The following ALDH3A1 variants were observed in gnomAD, a reference collection of about 807,000 sequenced individuals.
ALDH3A1 encodes the protein aldehyde dehydrogenase 3 family member A1.
ALDH3A1 carries 46 observed loss-of-function variants against 49.9 expected under a neutral mutation model. That is an observed-to-expected ratio of 0.92 (90% CI 0.73 to 1.18). ALDH3A1 has a LOEUF of 1.18. Ranked by LOEUF, ALDH3A1 falls within the 50% of genes most tolerant of loss-of-function variation. The pLI is 0.00. For synonymous variants in ALDH3A1, 269 were observed against 253.3 expected, an observed-to-expected ratio of 1.06 and a Z score of -0.59; for missense variants, 592 against 611.8, an observed-to-expected ratio of 0.97 and a Z score of 0.34.
intron 5 of ALDH3A1, chr17:19,741,423 G>A (rs2152374352): frequency 2.0e-6 from 1 of 511,810 alleles, no homozygotes; most frequent in African/African-American, 1.9e-5. Context: ...GGAATTTCTA[G>A]AGGACGTCTG....
intron 8 of ALDH3A1, 127 bp from the exon 9 acceptor site, chr17:19,739,222 T>A (rs1417487982): frequency 4.5e-6 from 4 of 887,032 alleles, no homozygotes; most frequent in Non-Finnish European, 7.0e-6. Context: ...AGCCTTAGCC[T>A]CCATCTCCTG....
chr17:19,745,056 A>C lies in ALDH3A1; in HGVS notation c.74T>G (p.Phe25Cys), dbSNP rs1476385684. The C allele has an allele frequency of 6.3e-7, 1 of 1,597,852 alleles. No homozygotes were observed. The highest frequency in any genetic ancestry group is 1.7e-5 in the Admixed American group (1 of 59,910). Residue 25 changes from phenylalanine to cysteine, a missense_variant, in exon 2 of 11, where the codon TTC (phenylalanine) becomes TGC (cysteine). Coordinates refer to ENST00000225740, the MANE Select transcript of ALDH3A1 (RefSeq NM_000691.5). ...CAGCGCCTCCAGCTGCTGGATCCGGAACTGCAGCGGACGGGTCCTGCCCGA... is the reference window on the plus strand; with the variant it reads ...CAGCGCCTCCAGCTGCTGGATCCGGCACTGCAGCGGACGGGTCCTGCCCGA... ...FSSGRTRPLQ[F>C]RIQQLEALQR...
rs781258287 is a variant in ALDH3A1, at chr17:19,738,158, A to C, written c.*63T>G. 3.7e-6 allele frequency: 6 copies of C among 1,612,344 alleles called. No individual in the cohort carries two copies. Among genetic ancestry groups the C allele is most frequent in the Non-Finnish European group, 5.1e-6 (6 of 1,179,934 alleles). Reference sequence around the variant, plus strand: ...CGATTCTCCCAGGGCCAGGAGAGCCAGTGAGGGTGGTCCGCACTCCGATGG... The same window carrying C: ...CGATTCTCCCAGGGCCAGGAGAGCCCGTGAGGGTGGTCCGCACTCCGATGG... On this transcript the variant is annotated 3_prime_UTR_variant, in exon 11 of 11. Coordinates refer to ENST00000225740, the MANE Select transcript of ALDH3A1 (RefSeq NM_000691.5).
At chr17:19,742,904 G>C (rs2086525839) in intron 3 of ALDH3A1, 2 of 1,526,784 alleles carry the variant, frequency 1.3e-6, no homozygotes. Flanking sequence ...GGGGAGAGAG[G>C]CTCTGGGGGC....
At position 19,738,048 on chromosome 17, in the gene ALDH3A1, G is replaced by A. The variant is rs1393757503; in HGVS notation, c.*173C>T. 7 of 1,533,216 alleles carry A rather than the reference G, an allele frequency of 4.6e-6. No individual in the cohort carries two copies. Among genetic ancestry groups the A allele is most frequent in the Non-Finnish European group, 5.2e-6 (6 of 1,142,966 alleles). The allele number at this position is 1,533,216 out of a possible 1,614,324, so 95.0% of individuals were successfully genotyped here. A position where few individuals can be genotyped will look rare whatever the true frequency, so the allele number is the denominator to read the frequency against. On this transcript the variant is annotated 3_prime_UTR_variant, in exon 11 of 11. Coordinates refer to ENST00000225740, the MANE Select transcript of ALDH3A1 (RefSeq NM_000691.5). ...CTAGAAAGGGGTGGAGACTTGGAAT[G>A]GTGAGGCCTGGGCCCATGTGGGAGT...
chr17:19,748,254 A>T lies in ALDH3A1; in HGVS notation c.-6+5T>A. On this transcript the variant is annotated splice_donor_5th_base_variant and intron_variant, in intron 1 of 10. Coordinates refer to ENST00000225740, the MANE Select transcript of ALDH3A1 (RefSeq NM_000691.5). The surrounding 1 kb of genome is among the most constrained non-coding windows in gnomAD (Gnocchi z 4.4). ...AAAAATAAGGAATGCAGGGAAGAGG[A>T]TTACCTTTGACACAGCCTCTCCCGG... The T allele has an allele frequency of 2.0e-6, 1 of 498,994 alleles. No homozygotes were observed. The highest frequency in any genetic ancestry group is 4.0e-6 in the Non-Finnish European group (1 of 248,870). The allele number at this position is 498,994 out of a possible 1,614,324, so 30.9% of individuals were successfully genotyped here.
chr17:19,739,970 T>C (rs1438472994), intron 7 of ALDH3A1, among the ~76,000 whole-genome samples: 1 of 152,186 alleles, frequency 6.6e-6, no homozygotes, highest in Admixed American at 6.5e-5. Context: ...TCTTGTCTCC[T>C]TGACAAACTC....
intron 1 of ALDH3A1, among the ~76,000 whole-genome samples, chr17:19,747,663 A>C (rs979803472): frequency 6.6e-6 from 1 of 152,124 alleles, no homozygotes; most frequent in African/African-American, 2.4e-5. Flanking sequence ...GAGCTGCTGC[A>C]GCATGCACTG....
chr17:19,746,122 C>T (rs997654664), intron 1 of ALDH3A1, among the ~76,000 whole-genome samples: 4 of 152,200 alleles, frequency 2.6e-5, no homozygotes, highest in Non-Finnish European at 2.9e-5. Flanking sequence ...CGGTGGCTCA[C>T]GCCTATAATC....
chr17:19,747,423 G>A (rs1326517097), intron 1 of ALDH3A1, among the ~76,000 whole-genome samples: 1 of 152,168 alleles, frequency 6.6e-6, no homozygotes, highest in African/African-American at 2.4e-5. Flanking sequence ...CAGGAGAGAA[G>A]GTCCCGCTTC....
intron 8 of ALDH3A1, 32 bp downstream of exon 8, chr17:19,739,476 C>G: frequency 6.3e-7 from 1 of 1,592,302 alleles, no homozygotes; most frequent in Non-Finnish European, 8.5e-7. Flanking sequence ...CCCCAGGACC[C>G]TGGCAGAGGG....
At chr17:19,742,517 A>G (rs1373732702) in intron 4 of ALDH3A1, 28 bp downstream of exon 4, 2 of 1,603,668 alleles carry the variant, frequency 1.2e-6, no homozygotes, top group South Asian at 2.2e-5. Flanking sequence ...GAGGCCATGG[A>G]GTTACGAGGC....
At chr17:19,746,668 C>T (rs910126705) in intron 1 of ALDH3A1, among the ~76,000 whole-genome samples, 22 of 141,230 alleles carry the variant, frequency 1.6e-4, no homozygotes, top group South Asian at 6.8e-4. Flanking sequence ...TGTGTGTGTG[C>T]GTGTGTGTGC....
chr17:19,740,157 A>C, intron 7 of ALDH3A1, 179 bp downstream of exon 7: 1 of 681,038 alleles, frequency 1.5e-6, no homozygotes, highest in South Asian at 2.4e-5. Context: ...CTGAGGTTGA[A>C]GCAGGGGCTG....
intron 9 of ALDH3A1, 179 bp from the exon 10 acceptor site, chr17:19,738,632 C>T (rs773954553): frequency 4.5e-5 from 44 of 969,462 alleles, no homozygotes; most frequent in Non-Finnish European, 6.4e-5. Context: ...CAGGTTGTGG[C>T]CCTTTTCTGG....
chr17:19,741,332 C>T (rs1291562204), intron 5 of ALDH3A1, 122 bp from the exon 6 acceptor site: 1 of 787,524 alleles, frequency 1.3e-6, no homozygotes, highest in Non-Finnish European at 2.1e-6. Context: ...ACCAGTGAGT[C>T]CTCCCAAGCG....
chr17:19,747,532 C>T, intron 1 of ALDH3A1, among the ~76,000 whole-genome samples: 1 of 152,254 alleles, frequency 6.6e-6, no homozygotes, highest in East Asian at 1.9e-4. Context: ...AGCATCGCCA[C>T]TTGGAACTGT....
intron 2 of ALDH3A1, chr17:19,744,733 G>A: frequency 1.5e-6 from 2 of 1,358,224 alleles, no homozygotes; most frequent in South Asian, 1.7e-5. Context: ...GGGGGACGCT[G>A]CGGGCGGGAC....
At chr17:19,739,760 C>T (rs983847359) in intron 7 of ALDH3A1, 86 bp from the exon 8 acceptor site, 1 of 1,492,270 alleles carries the variant, frequency 6.7e-7, no homozygotes, top group Non-Finnish European at 9.0e-7. Context: ...CTGCTCCAAC[C>T]CTTTTCCAGG....
Sources: gnomAD v4.1 joint callset for allele counts (sites outside exome capture counted in the v4.1 genomes callset) on GRCh38, gnomAD v4.1.1 for gene constraint, Gnocchi (gnomAD v3.1) non-coding constraint, MANE v1.5 for transcripts, NCBI Gene and HGNC (gene_info 2026-07-23, HGNC 2026-07-21) for gene names.